The following SPON1 variants were observed in gnomAD, a reference collection of about 807,000 sequenced individuals.
The protein encoded by SPON1 is spondin 1.
A neutral mutation model predicts 111.7 loss-of-function variants in SPON1; 52 were observed. The observed-to-expected ratio is 0.47, with a 90% CI of 0.37 to 0.59. The LOEUF is 0.59. Among genes scored for constraint, SPON1 ranks in the 20% least tolerant of loss-of-function variants. The pLI is 0.00. For synonymous variants in SPON1, 410 were observed against 395.8 expected, an observed-to-expected ratio of 1.04 and a Z score of -0.43; for missense variants, 957 against 1,068.5, an observed-to-expected ratio of 0.90 and a Z score of 1.46.
chr11:14,024,595 T>G (rs939081009), intron 2 of SPON1, among the ~76,000 whole-genome samples: 8 of 152,104 alleles, frequency 5.3e-5, no homozygotes, highest in African/African-American at 1.9e-4. Context: ...GCTCCTCCGA[T>G]GTCTAGCCGC....
intron 2 of SPON1, among the ~76,000 whole-genome samples, chr11:13,988,358 T>C (rs1848201648): frequency 6.6e-6 from 1 of 152,218 alleles, no homozygotes; most frequent in African/African-American, 2.4e-5. Flanking sequence ...TCTGTTTGTC[T>C]GTTATTGGCG....
chr11:14,102,236 T>C (rs1418333414), intron 5 of SPON1, among the ~76,000 whole-genome samples: 2 of 152,180 alleles, frequency 1.3e-5, no homozygotes, highest in African/African-American at 2.4e-5. Flanking sequence ...CATATCACTA[T>C]AATGTAAACC....
intron 6 of SPON1, among the ~76,000 whole-genome samples, chr11:14,178,516 A>G (rs1848205201): frequency 6.6e-6 from 1 of 152,070 alleles, no homozygotes; most frequent in Non-Finnish European, 1.5e-5. Context: ...TCGCGAGATG[A>G]GAAAACAAAA....
chr11:14,050,994 T>C (rs1014116847), intron 3 of SPON1, among the ~76,000 whole-genome samples: 2 of 152,082 alleles, frequency 1.3e-5, no homozygotes, highest in Non-Finnish European at 2.9e-5. Context: ...CCCATTGCAG[T>C]GGGGGCAGAG....
Position 14,135,357 on chromosome 11 carries a change from T to C in SPON1, c.677-63T>C. 2 of 1,559,534 alleles carry C rather than the reference T, an allele frequency of 1.3e-6. No individual in the cohort carries two copies. The highest frequency in any genetic ancestry group is 1.7e-6 in the Non-Finnish European group (2 of 1,144,012). The stretch of plus-strand genomic sequence containing the variant: ...GTCCAATTACGCATCCTCCCCATCA[T>C]TTAAGGGACTCGTGTTTCAGCCACA... On this transcript the variant is annotated intron_variant, in intron 5 of 15. Transcript: ENST00000576479. This position sits in a 1 kb window ranked among gnomAD's most constrained non-coding sequence, Gnocchi z 4.4.
At chr11:14,031,817 A>T (rs1848561266) in intron 2 of SPON1, among the ~76,000 whole-genome samples, 1 of 152,214 alleles carries the variant, frequency 6.6e-6, no homozygotes, top group Non-Finnish European at 1.5e-5. Flanking sequence ...TGGCTTTCAG[A>T]TTGAAAAAAT....
intron 2 of SPON1, among the ~76,000 whole-genome samples, chr11:13,988,459 T>TGG (rs1848202480): frequency 4.1e-5 from 6 of 147,702 alleles, no homozygotes; most frequent in Admixed American, 6.7e-5. Context: ...TTGGGCTGAG[T>TGG]GGTTTTCTAA....
chr11:14,207,914 T>C (rs1554936349), intron 6 of SPON1, among the ~76,000 whole-genome samples: 1 of 152,234 alleles, frequency 6.6e-6, no homozygotes. Flanking sequence ...GTATGTTCAC[T>C]GTAGCACTAT....
Position 14,011,587 on chromosome 11 carries a change from G to T in SPON1, c.345+28634G>T, listed in dbSNP as rs112636500. Reference sequence around the variant, plus strand: ...ACTTTCCATTCCTCTGCTAAATTAAGAATTTCCTATTGTTCTCAAGTCAGC... The same window carrying T: ...ACTTTCCATTCCTCTGCTAAATTAATAATTTCCTATTGTTCTCAAGTCAGC... On this transcript the variant is annotated intron_variant, in intron 2 of 15. Transcript: ENST00000576479. 9.9e-5 allele frequency among the ~76,000 whole-genome samples: 15 copies of T among 152,164 alleles called. 1 individual carries two copies. Among genetic ancestry groups the T allele is most frequent in the African/African-American group, 3.6e-4 (15 of 41,512 alleles).
chr11:14,133,797 A>G (rs1847554037), intron 5 of SPON1, among the ~76,000 whole-genome samples: 1 of 152,176 alleles, frequency 6.6e-6, no homozygotes, highest in South Asian at 2.1e-4. Flanking sequence ...GGGATATGAG[A>G]GATGAAGGAT....
chr11:13,968,738 AG>A (rs1848039082), intron 1 of SPON1, among the ~76,000 whole-genome samples: 1 of 152,010 alleles, frequency 6.6e-6, no homozygotes, highest in African/African-American at 2.4e-5. Context: ...GACTGGGGGG[AG>A]AGGAAGTAGA....
At chr11:14,130,398 C>T (rs1489494538) in intron 5 of SPON1, among the ~76,000 whole-genome samples, 3 of 152,014 alleles carry the variant, frequency 2.0e-5, no homozygotes, top group African/African-American at 7.3e-5. Context: ...GTTCCTCCTG[C>T]GAAGAATGAC....
At chr11:14,260,390 A>G (rs1343486220) in intron 13 of SPON1, among the ~76,000 whole-genome samples, 198 bp from the exon 14 acceptor site, 1 of 152,086 alleles carries the variant, frequency 6.6e-6, no homozygotes, top group East Asian at 1.9e-4. Flanking sequence ...GGGAGATGAA[A>G]GAGAGTGAAA....
In SPON1 at chr11:13,984,372, A is replaced by G. The variant is rs1443169137; in HGVS notation, c.345+1419A>G. 1.8e-4 allele frequency among the ~76,000 whole-genome samples: 27 copies of G among 152,308 alleles called. No homozygotes were observed. The South Asian group carries it at 5.4e-3, about 30-fold the overall frequency. On this transcript the variant is annotated intron_variant, in intron 2 of 15. Coordinates refer to ENST00000576479, the MANE Select transcript of SPON1 (RefSeq NM_006108.4). ...CCTGACACTAGATAATGTATAAACAATAGAAGTTTATTTCACTTACTTGAC... is the reference window on the plus strand; with the variant it reads ...CCTGACACTAGATAATGTATAAACAGTAGAAGTTTATTTCACTTACTTGAC...
chr11:14,168,550 C>A (rs1338607341), intron 6 of SPON1, among the ~76,000 whole-genome samples: 1 of 151,818 alleles, frequency 6.6e-6, no homozygotes, highest in Non-Finnish European at 1.5e-5. Flanking sequence ...ATGTGCACAA[C>A]GTGCAGGTTT....
intron 3 of SPON1, among the ~76,000 whole-genome samples, chr11:14,070,569 A>T (rs1848867469): frequency 2.0e-5 from 3 of 152,230 alleles, no homozygotes; most frequent in Admixed American, 2.0e-4. Context: ...CGTGTGCAAC[A>T]CACCACAGTA....
At chr11:14,036,639 T>G (rs10766134) in intron 2 of SPON1, among the ~76,000 whole-genome samples, 45,790 of 152,108 alleles carry the variant, frequency 0.3, 7,965 homozygotes, top group South Asian at 0.51. Context: ...TATAAACGAA[T>G]GAATCATCTA....
At chr11:14,064,368 C>A (rs930147285) in intron 3 of SPON1, among the ~76,000 whole-genome samples, 1 of 152,160 alleles carries the variant, frequency 6.6e-6, no homozygotes, top group Non-Finnish European at 1.5e-5. Context: ...TTCTGATGGT[C>A]CTGGTTAATG....
At chr11:14,265,293 G>A (rs1248851667) in intron 15 of SPON1, among the ~76,000 whole-genome samples, 1 of 152,204 alleles carries the variant, frequency 6.6e-6, no homozygotes, top group Middle Eastern at 3.2e-3. Flanking sequence ...GATTCAAGAG[G>A]TGGAGAAACA....
Sources: gnomAD v4.1 joint callset for allele counts (sites outside exome capture counted in the v4.1 genomes callset) on GRCh38, gnomAD v4.1.1 for gene constraint, Gnocchi (gnomAD v3.1) non-coding constraint, MANE v1.5 for transcripts, NCBI Gene and HGNC (gene_info 2026-07-23, HGNC 2026-07-21) for gene names.